Variants in ZFAT observed in about 807,000 individuals in gnomAD.
The protein encoded by ZFAT is zinc finger protein ZFAT.
In ZFAT, 64 loss-of-function variants were observed where a neutral mutation model predicts 117.7. That is an observed-to-expected ratio of 0.54 (90% confidence interval 0.44 to 0.67). ZFAT has a LOEUF of 0.67. Among genes scored for constraint, ZFAT ranks in the 30% least tolerant of loss-of-function variants. The pLI is 0.00. For missense variants in ZFAT, 1,433 were observed against 1,584.5 expected (o/e 0.90, Z 1.62); for synonymous variants, 679 against 615.0 (o/e 1.10, Z -1.54).
At chr8:134,691,386 C>A (rs1242944401) in intron 1 of ZFAT, among the ~76,000 whole-genome samples, 1 of 152,278 alleles carries the variant, frequency 6.6e-6, no homozygotes, top group African/African-American at 2.4e-5. Context: ...TCCGCTGCAG[C>A]GGGCGCCTCC....
chr8:134,636,090 C>A (rs1373888673), intron 3 of ZFAT, among the ~76,000 whole-genome samples: 1 of 152,182 alleles, frequency 6.6e-6, no homozygotes, highest in African/African-American at 2.4e-5. Flanking sequence ...CCTTGGCCAC[C>A]AACCTAGATG....
At chr8:134,526,513 C>T (rs1032256905) in intron 12 of ZFAT, among the ~76,000 whole-genome samples, 5 of 152,080 alleles carry the variant, frequency 3.3e-5, no homozygotes, top group African/African-American at 7.2e-5. Flanking sequence ...TTTCCTCCCA[C>T]GGACTGATTA....
the ZFAT span, among the ~76,000 whole-genome samples, chr8:134,791,840 G>A: frequency 6.6e-6 from 1 of 152,164 alleles, no homozygotes; most frequent in Non-Finnish European, 1.5e-5. Context: ...TGAGACATAA[G>A]CTGGGAGTTT....
chr8:134,499,461 C>A (rs553373034), intron 15 of ZFAT, among the ~76,000 whole-genome samples: 9 of 148,126 alleles, frequency 6.1e-5, no homozygotes, highest in African/African-American at 2.3e-4. Context: ...GCTGGGATGC[C>A]CCCGTTGCTG....
chr8:134,496,894 G>C (rs1039302187), intron 15 of ZFAT, among the ~76,000 whole-genome samples: 1 of 152,248 alleles, frequency 6.6e-6, no homozygotes, highest in Non-Finnish European at 1.5e-5. Flanking sequence ...CCTCAGGGCA[G>C]GAAGGACCTG....
At chr8:134,778,118 T>G in the ZFAT span, among the ~76,000 whole-genome samples, 1 of 152,250 alleles carries the variant, frequency 6.6e-6, no homozygotes, top group Admixed American at 6.5e-5. Flanking sequence ...AATGTTTCTA[T>G]AACTTCCCAG....
intron 15 of ZFAT, among the ~76,000 whole-genome samples, chr8:134,506,181 T>C: frequency 6.6e-6 from 1 of 152,242 alleles, no homozygotes; most frequent in South Asian, 2.1e-4. Flanking sequence ...ATTTATCAAA[T>C]ACAAATTTCC....
chr8:134,533,959 G>C (rs1044900504), intron 11 of ZFAT, among the ~76,000 whole-genome samples: 1 of 152,152 alleles, frequency 6.6e-6, no homozygotes, highest in Admixed American at 6.5e-5. Flanking sequence ...AGTGCTCCAG[G>C]GTCATTCAGG....
chr8:134,682,934 C>A (rs1349691736), intron 1 of ZFAT, among the ~76,000 whole-genome samples: 1 of 152,222 alleles, frequency 6.6e-6, no homozygotes, highest in African/African-American at 2.4e-5. Flanking sequence ...GGCTTTCGTA[C>A]TCCCTCTCAC....
chr8:134,523,204 C>T (rs1332259944), intron 12 of ZFAT, among the ~76,000 whole-genome samples: 3 of 152,234 alleles, frequency 2.0e-5, no homozygotes, highest in Non-Finnish European at 4.4e-5. Context: ...AGCCTCCACA[C>T]CTTTATGCTT....
At chr8:134,763,950 G>A in the ZFAT span, among the ~76,000 whole-genome samples, 12 of 152,142 alleles carry the variant, frequency 7.9e-5, no homozygotes, top group Non-Finnish European at 1.6e-4. Flanking sequence ...AAAATTTTCC[G>A]TGTAACCTTG....
chr8:134,491,237 G>A (rs1432536961), intron 15 of ZFAT, among the ~76,000 whole-genome samples: 1 of 152,236 alleles, frequency 6.6e-6, no homozygotes, highest in African/African-American at 2.4e-5. Context: ...AGCAAGGGAA[G>A]ACTGTACTTC....
the ZFAT span, among the ~76,000 whole-genome samples, chr8:134,769,561 GC>G: frequency 6.6e-6 from 1 of 152,158 alleles, no homozygotes; most frequent in Non-Finnish European, 1.5e-5. Flanking sequence ...AGTGTCTGCA[GC>G]TTTTCCAGGT....
In ZFAT at chr8:134,532,854, G is replaced by A. The variant is rs377697480; in HGVS notation, c.3095C>T (p.Ala1032Val). 2.1e-5 allele frequency: 34 copies of A among 1,609,806 alleles called. No individual in the cohort carries two copies. Among genetic ancestry groups the A allele is most frequent in the African/African-American group, 1.5e-4 (11 of 75,020 alleles). ...YANVGTGELAAEVLIQQGGLK... is the reference protein window; with the variant it reads ...YANVGTGELAVEVLIQQGGLK... ...CCTACCTTGCTGGATGAGCACCTCC[G>A]CTGCCAGCTCCCCGGTGCCCACGTT... Residue 1032 changes from alanine (A) to valine (V), a missense_variant, in exon 12 of 16, where the codon GCG (alanine) becomes GTG (valine). Ala to Val is a moderately conservative substitution (Grantham distance 64). Coordinates refer to ENST00000377838, the MANE Select transcript of ZFAT (RefSeq NM_020863.4).
intron 10 of ZFAT, among the ~76,000 whole-genome samples, chr8:134,581,110 CTT>C (rs1825683355): frequency 6.6e-6 from 1 of 151,774 alleles, no homozygotes; most frequent in Admixed American, 6.6e-5. Context: ...TGTAAATAAA[CTT>C]TTTTCAAAGT....
chr8:134,790,196 T>C, the ZFAT span, among the ~76,000 whole-genome samples: 1 of 152,182 alleles, frequency 6.6e-6, no homozygotes, highest in Non-Finnish European at 1.5e-5. Flanking sequence ...GAAGAGGCCA[T>C]AAGAATCCAG....
At chr8:134,791,486 T>C in the ZFAT span, among the ~76,000 whole-genome samples, 5 of 152,316 alleles carry the variant, frequency 3.3e-5, no homozygotes, top group East Asian at 1.9e-4. Context: ...GGCTGTTTTT[T>C]CTTCACTTCT....
At chr8:134,575,964 C>A (rs531517194) in intron 10 of ZFAT, among the ~76,000 whole-genome samples, 1 of 152,144 alleles carries the variant, frequency 6.6e-6, no homozygotes, top group African/African-American at 2.4e-5. Flanking sequence ...AGACTTAGGG[C>A]CTGATGATTC....
chr8:134,778,052 T>C, the ZFAT span, among the ~76,000 whole-genome samples: 9 of 152,134 alleles, frequency 5.9e-5, no homozygotes, highest in African/African-American at 2.2e-4. Flanking sequence ...TTACCCCCAT[T>C]TAACCTCAGA....
Sources: allele counts gnomAD v4.1 joint callset (sites outside exome capture counted in the v4.1 genomes callset), GRCh38; gene constraint gnomAD v4.1.1; transcripts MANE v1.5; gene names NCBI Gene and HGNC (gene_info 2026-07-23, HGNC 2026-07-21).